Variants in BMP5 observed in about 807,000 individuals in gnomAD.
BMP5 encodes the protein bone morphogenetic protein 5.
Under a neutral mutation model 46.6 loss-of-function variants are expected in BMP5, and 23 were observed. The observed-to-expected ratio is 0.49, with a 90% CI of 0.35 to 0.70. The LOEUF is 0.70. BMP5 is among the 30% of genes least tolerant of loss of function. The pLI is 0.00. For synonymous variants in BMP5, 204 were observed against 191.9 expected, an observed-to-expected ratio of 1.06 and a Z score of -0.52; for missense variants, 545 against 565.6, an observed-to-expected ratio of 0.96 and a Z score of 0.37.
intron 1 of BMP5, among the ~76,000 whole-genome samples, chr6:55,827,525 G>C (rs746428830): frequency 6.6e-6 from 1 of 151,680 alleles, no homozygotes; most frequent in Non-Finnish European, 1.5e-5. Flanking sequence ...AGAAATATCA[G>C]TGTAATCAAA....
chr6:55,866,008 A>C (rs1186066528), intron 1 of BMP5, among the ~76,000 whole-genome samples: 3 of 152,116 alleles, frequency 2.0e-5, no homozygotes, highest in Non-Finnish European at 4.4e-5. Context: ...CATCTACAAA[A>C]ATTTTGACAT....
chr6:55,767,242 C>A (rs1012794780), intron 4 of BMP5, among the ~76,000 whole-genome samples: 3 of 151,970 alleles, frequency 2.0e-5, no homozygotes, highest in Non-Finnish European at 4.4e-5. Flanking sequence ...CCTGTGACCA[C>A]AGGTATGAGT....
At chr6:55,768,959 C>T (rs1414948569) in intron 4 of BMP5, among the ~76,000 whole-genome samples, 1 of 151,870 alleles carries the variant, frequency 6.6e-6, no homozygotes, top group East Asian at 1.9e-4. Flanking sequence ...TGGATTATAT[C>T]TTTAAAAATG....
chr6:55,833,872 A>G (rs1342423565), intron 1 of BMP5, among the ~76,000 whole-genome samples: 3 of 152,166 alleles, frequency 2.0e-5, no homozygotes, highest in African/African-American at 4.8e-5. Context: ...AAGTCCTACA[A>G]TGTCCAGAGA....
chr6:55,838,657 C>G (rs1466621402), intron 1 of BMP5, among the ~76,000 whole-genome samples: 2 of 152,004 alleles, frequency 1.3e-5, no homozygotes, highest in East Asian at 3.9e-4. Context: ...GATGTGATCC[C>G]AAACCCCTGG....
intron 4 of BMP5, among the ~76,000 whole-genome samples, chr6:55,771,721 C>T (rs1775050883): frequency 6.6e-6 from 1 of 151,786 alleles, no homozygotes; most frequent in Non-Finnish European, 1.5e-5. Context: ...AGATTTTCAA[C>T]ATTTGATAAT....
At chr6:55,775,331 G>T (rs1054039888) in intron 3 of BMP5, among the ~76,000 whole-genome samples, 1 of 151,768 alleles carries the variant, frequency 6.6e-6, no homozygotes, top group Non-Finnish European at 1.5e-5. Context: ...CTACAGTTAG[G>T]TATTAATAGT....
In BMP5 at chr6:55,759,170, A is replaced by C. The variant is rs1562023470; in HGVS notation, c.1105-55T>G. On this transcript the variant is annotated intron_variant, in intron 5 of 6. Transcript: ENST00000370830. ...AAAAAAAAAAAAAAAAAAAAAAAAA[A>C]AAAAAAAAAAAAACAACAAGAAAAA... 1.0e-4 allele frequency: 90 copies of C among 863,348 alleles called. 2 individuals are homozygous for C. The highest frequency in any genetic ancestry group is 2.8e-4 in the Middle Eastern group (1 of 3,614). 53.5% of individuals were successfully genotyped at this position (863,348 alleles called of 1,614,324 possible).
intron 1 of BMP5, among the ~76,000 whole-genome samples, chr6:55,849,362 C>T (rs1777169579): frequency 6.6e-6 from 1 of 151,956 alleles, no homozygotes; most frequent in African/African-American, 2.4e-5. Context: ...CAGACATGTG[C>T]ACACATATAC....
At chr6:55,833,835 AT>A (rs1374923840) in intron 1 of BMP5, among the ~76,000 whole-genome samples, 1 of 152,182 alleles carries the variant, frequency 6.6e-6, no homozygotes, top group African/African-American at 2.4e-5. Flanking sequence ...ATCCTAATGA[AT>A]TTATAAAGCT....
chr6:55,823,646 G>C (rs541113410), intron 1 of BMP5, among the ~76,000 whole-genome samples: 2 of 151,802 alleles, frequency 1.3e-5, no homozygotes, highest in Non-Finnish European at 2.9e-5. Flanking sequence ...ATATTGTTTT[G>C]TTTTGTTATG....
intron 3 of BMP5, among the ~76,000 whole-genome samples, chr6:55,785,043 C>T (rs1775413110): frequency 6.6e-6 from 1 of 151,702 alleles, no homozygotes; most frequent in Non-Finnish European, 1.5e-5. Flanking sequence ...ATGTTAGTTT[C>T]CACTAATGTT....
intron 3 of BMP5, among the ~76,000 whole-genome samples, chr6:55,783,324 C>A (rs1775370727): frequency 6.6e-6 from 1 of 151,946 alleles, no homozygotes; most frequent in Non-Finnish European, 1.5e-5. Flanking sequence ...ATTTTGATTG[C>A]CACTTCCAAT....
chr6:55,796,395 C>T (rs1014831717), intron 2 of BMP5, among the ~76,000 whole-genome samples: 13 of 152,008 alleles, frequency 8.6e-5, no homozygotes, highest in Non-Finnish European at 1.5e-5. Flanking sequence ...TCTCCAAACT[C>T]TCCATGTTCA....
chr6:55,804,157 T>C (rs1201787752), intron 2 of BMP5, among the ~76,000 whole-genome samples: 2 of 152,212 alleles, frequency 1.3e-5, no homozygotes, highest in African/African-American at 4.8e-5. Flanking sequence ...CCCTCATACT[T>C]GTGAATGTGA....
At chr6:55,853,693 G>A (rs962832010) in intron 1 of BMP5, among the ~76,000 whole-genome samples, 1 of 152,064 alleles carries the variant, frequency 6.6e-6, no homozygotes, top group South Asian at 2.1e-4. Flanking sequence ...TTTCCAATTA[G>A]CACATTTTTA....
intron 3 of BMP5, among the ~76,000 whole-genome samples, chr6:55,793,559 G>A (rs1219375553): frequency 2.6e-5 from 4 of 152,126 alleles, no homozygotes; most frequent in Non-Finnish European, 5.9e-5. Context: ...TGTCTTTGAT[G>A]TGTCACTATT....
At chr6:55,854,496 G>T (rs1460496617) in intron 1 of BMP5, among the ~76,000 whole-genome samples, 1 of 151,536 alleles carries the variant, frequency 6.6e-6, no homozygotes, top group African/African-American at 2.4e-5. Context: ...GTATATGTGT[G>T]TATATATGCA....
In BMP5 at chr6:55,805,814, G is replaced by A. The variant is rs984783139; in HGVS notation, c.684-11387C>T. ...TGGTTTTGATTTGCATTTCTCTAAT[G>A]ATTAGTGATGTTGAGCTTTTTTTCA... On this transcript the variant is annotated intron_variant, in intron 2 of 6. Transcript: ENST00000370830. Among the ~76,000 whole-genome samples the A allele has an allele frequency of 3.3e-5, 5 of 152,286 alleles. No individual in the cohort carries two copies. The South Asian group carries it at 1.0e-3, about 32-fold the overall frequency.
Sources: gnomAD v4.1 joint callset for allele counts (sites outside exome capture counted in the v4.1 genomes callset) on GRCh38, gnomAD v4.1.1 for gene constraint, MANE v1.5 for transcripts, NCBI Gene and HGNC (gene_info 2026-07-23, HGNC 2026-07-21) for gene names.